The following SYNE2 variants were observed in gnomAD, a reference collection of about 807,000 sequenced individuals.
SYNE2 encodes nesprin-2.
Under a neutral mutation model 856.3 loss-of-function variants are expected in SYNE2, and 431 were observed. The observed-to-expected ratio is 0.50, with a 90% CI of 0.47 to 0.55. The LOEUF (loss-of-function observed/expected upper bound fraction) is 0.55, where lower values mean the gene tolerates loss of function less well. Ranked by LOEUF, SYNE2 falls within the 20% of genes least tolerant of loss-of-function variation. The pLI is 0.00. For synonymous variants in SYNE2, 2,923 were observed against 2,872.3 expected, an observed-to-expected ratio of 1.02 and a Z score of -0.56; for missense variants, 8,129 against 8,023.2, an observed-to-expected ratio of 1.01 and a Z score of -0.50.
intron 1 of SYNE2, among the ~76,000 whole-genome samples, chr14:63,856,999 G>A (rs1377338806): frequency 1.3e-5 from 2 of 152,038 alleles, no homozygotes; most frequent in African/African-American, 2.4e-5. Context: ...CCAACTCCTG[G>A]CCTCAAGTGA....
chr14:63,907,754 G>A (rs1446431448), intron 1 of SYNE2, among the ~76,000 whole-genome samples: 1 of 152,136 alleles, frequency 6.6e-6, no homozygotes, highest in Non-Finnish European at 1.5e-5. Context: ...TCGCAAAGCT[G>A]AGGATGTTTG....
At chr14:64,097,646 G>A (rs1052385031) in intron 61 of SYNE2, among the ~76,000 whole-genome samples, 1 of 152,204 alleles carries the variant, frequency 6.6e-6, no homozygotes, top group African/African-American at 2.4e-5. Flanking sequence ...AACCCTGGCC[G>A]CACACCACAG....
intron 96 of SYNE2, among the ~76,000 whole-genome samples, chr14:64,183,679 C>T (rs1040627246): frequency 1.6e-4 from 24 of 150,990 alleles, no homozygotes; most frequent in African/African-American, 5.6e-4. Context: ...CTCGGGAGGC[C>T]GAGGCTGGCA....
chr14:63,900,013 C>G (rs1021550236), intron 1 of SYNE2, among the ~76,000 whole-genome samples: 21 of 152,152 alleles, frequency 1.4e-4, no homozygotes, highest in Non-Finnish European at 1.5e-4. Flanking sequence ...CCACCTTAAA[C>G]AAGAAGTATT....
At chr14:64,150,521 T>C (rs113210943) in intron 84 of SYNE2, among the ~76,000 whole-genome samples, 5,892 of 151,694 alleles carry the variant, frequency 0.039, 149 homozygotes, top group African/African-American at 0.042. Flanking sequence ...GTGCCCGGCA[T>C]GGCTGTTGTT....
At chr14:64,087,420 A>G (rs760430306) in intron 57 of SYNE2, 2 of 649,138 alleles carry the variant, frequency 3.1e-6, no homozygotes, top group Non-Finnish European at 6.0e-6. Flanking sequence ...TTATTAAAGG[A>G]TTCCAAGTGT....
chr14:63,950,039 C>T (rs749094827), intron 7 of SYNE2, 33 bp downstream of exon 7: 1 of 1,611,408 alleles, frequency 6.2e-7, no homozygotes, highest in Non-Finnish European at 8.5e-7. Context: ...AAGAGACACA[C>T]AGGGCAGCTG....
At chr14:64,128,577 A>T in intron 74 of SYNE2, 24 bp downstream of exon 74, 1 of 1,423,000 alleles carries the variant, frequency 7.0e-7, no homozygotes, top group Non-Finnish European at 9.9e-7. Context: ...AATAATTCAG[A>T]CTGACTTAAC....
At chr14:63,814,701 C>CATATATATCCATATATATATCCAT (rs1888792253) in intron 1 of SYNE2, among the ~76,000 whole-genome samples, 1 of 85,682 alleles carries the variant, frequency 1.2e-5, no homozygotes, top group Admixed American at 1.3e-4. Flanking sequence ...TATATATATC[C>CATATATATCCATATATATATCCAT]ATATATATCC....
chr14:63,981,006 A>T lies in SYNE2; in HGVS notation c.1669A>T (p.Asn557Tyr). Residue 557 changes from asparagine (N) to tyrosine (Y), a missense_variant, in exon 16 of 116, where the codon AAT (asparagine) becomes TAT (tyrosine). Transcript: ENST00000555002. The stretch of plus-strand genomic sequence containing the variant: ...TGTAGCTGGAGAATGTCAGAATATT[A>T]ATAAACAGTATATGATGGTGAAATC... ...KNLAGECQNI[N>Y]KQYMMVKSDV... is the part of the protein sequence containing the mutation. 1 of 1,562,806 alleles carries T rather than the reference A, an allele frequency of 6.4e-7. No individual in the cohort carries two copies. Among genetic ancestry groups the T allele is most frequent in the Non-Finnish European group, 8.8e-7 (1 of 1,137,702 alleles).
At chr14:64,169,869 A>G (rs969711588) in intron 93 of SYNE2, among the ~76,000 whole-genome samples, 1 of 152,236 alleles carries the variant, frequency 6.6e-6, no homozygotes, top group Non-Finnish European at 1.5e-5. Context: ...CAAGTAATCC[A>G]TAGTGTTACA....
chr14:64,088,098 G>A (rs147106544), intron 58 of SYNE2, among the ~76,000 whole-genome samples: 124 of 152,212 alleles, frequency 8.1e-4, no homozygotes, highest in African/African-American at 2.8e-3. Context: ...CAGGAGAATC[G>A]CTTGAACCTG....
chr14:63,993,830 T>C lies in SYNE2; in HGVS notation c.2647-5T>C, dbSNP rs1445545198. 3 of 1,601,628 alleles carry C rather than the reference T, an allele frequency of 1.9e-6. No individual in the cohort carries two copies. Among genetic ancestry groups the C allele is most frequent in the Admixed American group, 3.5e-5 (2 of 57,468 alleles). On this transcript the variant is annotated splice_polypyrimidine_tract_variant and splice_region_variant and intron_variant, in intron 21 of 115. Transcript: ENST00000555002. The stretch of plus-strand genomic sequence containing the variant: ...GATTTTGTTTGCAATTTTTTTTTTT[T>C]TTAGGAAGCACTAATAATTTCTAAT...
chr14:64,216,933 C>T (rs2098669235), intron 108 of SYNE2, among the ~76,000 whole-genome samples: 1 of 152,048 alleles, frequency 6.6e-6, no homozygotes, highest in South Asian at 2.1e-4. Flanking sequence ...ACCATGTTGG[C>T]CAGGCTGGTC....
At chr14:63,782,964 G>T in intron 1 of SYNE2, among the ~76,000 whole-genome samples, 1 of 151,974 alleles carries the variant, frequency 6.6e-6, no homozygotes, top group East Asian at 1.9e-4. Flanking sequence ...ATCTTCACCT[G>T]GTGATTATAG....
At chr14:64,100,652 G>A (rs2097720905) in intron 63 of SYNE2, among the ~76,000 whole-genome samples, 1 of 143,484 alleles carries the variant, frequency 7.0e-6, no homozygotes, top group Non-Finnish European at 1.5e-5. Context: ...TAACATACAT[G>A]TTACCTCACA....
At chr14:64,001,846 G>C in intron 28 of SYNE2, 88 bp from the exon 29 acceptor site, 1 of 1,394,330 alleles carries the variant, frequency 7.2e-7, no homozygotes, top group South Asian at 1.2e-5. Flanking sequence ...ATTATTTTCT[G>C]TTCTTAGTTC....
intron 1 of SYNE2, among the ~76,000 whole-genome samples, chr14:63,879,046 C>CAA (rs11379917): frequency 2.0e-5 from 3 of 151,814 alleles, no homozygotes; most frequent in African/African-American, 4.8e-5. Flanking sequence ...CTGTCTTTAC[C>CAA]AAAAAAAGCT....
At chr14:63,887,218 T>C (rs1330921575) in intron 1 of SYNE2, among the ~76,000 whole-genome samples, 1 of 151,712 alleles carries the variant, frequency 6.6e-6, no homozygotes, top group Admixed American at 6.6e-5. Context: ...GAGGCGGAGG[T>C]TGCAGTGAGC....
Sources: allele counts gnomAD v4.1 joint callset (sites outside exome capture counted in the v4.1 genomes callset), GRCh38; gene constraint gnomAD v4.1.1; transcripts MANE v1.5; gene names NCBI Gene and HGNC (gene_info 2026-07-23, HGNC 2026-07-21).